The following CTNNA3 variants were observed in gnomAD, a reference collection of about 807,000 sequenced individuals.
CTNNA3 encodes catenin alpha-3.
In CTNNA3, 76 loss-of-function variants were observed where a neutral mutation model predicts 95.7. The ratio of observed to expected loss-of-function variants is 0.79; its 90% CI spans 0.66 to 0.96. CTNNA3 has a LOEUF of 0.96. Among genes scored for constraint, CTNNA3 ranks in the 40% least tolerant of loss-of-function variants. The pLI is 0.00. For synonymous variants in CTNNA3, 431 were observed against 374.4 expected (o/e 1.15, Z -1.74); for missense variants, 1,191 against 1,089.8 (o/e 1.09, Z -1.31).
intron 1 of CTNNA3, among the ~76,000 whole-genome samples, chr10:67,737,098 G>A (rs1841307098): frequency 6.6e-6 from 1 of 151,750 alleles, no homozygotes; most frequent in Non-Finnish European, 1.5e-5. Context: ...TGAGTAGCTG[G>A]GATTACAGGC....
intron 11 of CTNNA3, among the ~76,000 whole-genome samples, chr10:66,442,882 G>A (rs2093385825): frequency 6.6e-6 from 1 of 152,250 alleles, no homozygotes; most frequent in Non-Finnish European, 1.5e-5. Flanking sequence ...GGAAGCGCAA[G>A]GGGTCAGGGG....
intron 12 of CTNNA3, among the ~76,000 whole-genome samples, chr10:66,341,179 C>A (rs2092449747): frequency 6.6e-6 from 1 of 151,834 alleles, no homozygotes; most frequent in Admixed American, 6.6e-5. Context: ...ATGATAAAAC[C>A]AGTCTCTTTT....
intron 5 of CTNNA3, among the ~76,000 whole-genome samples, chr10:67,225,409 G>A (rs1053569272): frequency 2.6e-5 from 4 of 152,106 alleles, no homozygotes; most frequent in Non-Finnish European, 4.4e-5. Flanking sequence ...CTGGCAGGAG[G>A]CCAACCAGCA....
chr10:67,555,380 C>T (rs966406040), intron 3 of CTNNA3, among the ~76,000 whole-genome samples: 22 of 152,162 alleles, frequency 1.4e-4, no homozygotes, highest in Non-Finnish European at 5.9e-5. Context: ...TTCTTCCTAT[C>T]CATGAGCATG....
At chr10:66,311,700 A>T (rs1255051653) in intron 12 of CTNNA3, among the ~76,000 whole-genome samples, 1 of 152,216 alleles carries the variant, frequency 6.6e-6, no homozygotes, top group African/African-American at 2.4e-5. Context: ...TATTAGACTC[A>T]GAAAGATACC....
At chr10:66,774,242 G>A (rs183107820) in intron 8 of CTNNA3, among the ~76,000 whole-genome samples, 1 of 152,212 alleles carries the variant, frequency 6.6e-6, no homozygotes, top group African/African-American at 2.4e-5. Context: ...GAAGCAGATG[G>A]GGTAGAAATC....
rs77241074 is a variant in CTNNA3 at position 67,666,422 on chromosome 10, T to C, written c.-5-18904A>G. Among the ~76,000 whole-genome samples, 5,163 of 152,308 alleles carry C rather than the reference T, an allele frequency of 0.034. 614 individuals are homozygous for C. In the East Asian group the frequency reaches 0.43, roughly 13 times the overall value. Reference sequence around the variant, plus strand: ...CCAAAAGATTCAGAAATTCTACTTATAGATATTTCTACATTAATTTCACTT... The same window carrying C: ...CCAAAAGATTCAGAAATTCTACTTACAGATATTTCTACATTAATTTCACTT... On this transcript the variant is annotated intron_variant, in intron 1 of 17. Coordinates refer to ENST00000433211, the MANE Select transcript of CTNNA3 (RefSeq NM_013266.4).
intron 6 of CTNNA3, among the ~76,000 whole-genome samples, chr10:67,195,809 A>T (rs944529708): frequency 1.6e-4 from 24 of 152,196 alleles, no homozygotes; most frequent in African/African-American, 5.5e-4. Flanking sequence ...GGTTGGAAAA[A>T]GTTTTCTGTA....
At chr10:66,448,204 T>C (rs1479841806) in intron 11 of CTNNA3, among the ~76,000 whole-genome samples, 5 of 151,950 alleles carry the variant, frequency 3.3e-5, no homozygotes, top group South Asian at 4.2e-4. Context: ...TGTGGAGAAA[T>C]AGGAACACTT....
chr10:66,958,794 A>T lies in CTNNA3; in HGVS notation c.1048-183270T>A, dbSNP rs957265202. On this transcript the variant is annotated intron_variant, in intron 7 of 17. Coordinates refer to ENST00000433211, the MANE Select transcript of CTNNA3 (RefSeq NM_013266.4). The stretch of plus-strand genomic sequence containing the variant: ...ACACTCTTGCATTTTGAGATCCTCC[A>T]AATATGACTGCTCAAAGAAGAAGGA... Among the ~76,000 whole-genome samples the T allele has an allele frequency of 2.0e-5, 3 of 152,144 alleles. 1 individual carries two copies. The highest frequency in any genetic ancestry group is 7.2e-5 in the African/African-American group (3 of 41,444).
intron 5 of CTNNA3, among the ~76,000 whole-genome samples, chr10:67,393,228 C>A (rs1230371084): frequency 6.6e-6 from 1 of 151,990 alleles, no homozygotes; most frequent in Non-Finnish European, 1.5e-5. Context: ...TACAGAATAC[C>A]TTATTCAGGA....
intron 3 of CTNNA3, among the ~76,000 whole-genome samples, chr10:67,549,994 T>A (rs560195929): frequency 5.3e-5 from 8 of 152,294 alleles, no homozygotes; most frequent in Admixed American, 2.6e-4. Flanking sequence ...TCTGTTTTTT[T>A]AAAAAGCACT....
intron 13 of CTNNA3, among the ~76,000 whole-genome samples, chr10:66,119,154 A>G (rs566075073): frequency 1.3e-5 from 2 of 152,350 alleles, no homozygotes; most frequent in African/African-American, 4.8e-5. Flanking sequence ...TGGATTACCT[A>G]CTATGTATGA....
chr10:66,366,938 G>A (rs908615929), intron 12 of CTNNA3, among the ~76,000 whole-genome samples: 8 of 152,090 alleles, frequency 5.3e-5, no homozygotes, highest in South Asian at 4.2e-4. Flanking sequence ...AGTTACAGAC[G>A]GTGTTGGATA....
chr10:66,417,072 C>A (rs189099583), intron 11 of CTNNA3, among the ~76,000 whole-genome samples: 9 of 152,062 alleles, frequency 5.9e-5, no homozygotes, highest in Non-Finnish European at 1.2e-4. Flanking sequence ...GGATTAAATT[C>A]TTCACTTAAA....
chr10:66,737,041 G>A (rs1043888651), intron 9 of CTNNA3, among the ~76,000 whole-genome samples: 1 of 152,118 alleles, frequency 6.6e-6, no homozygotes, highest in Non-Finnish European at 1.5e-5. Context: ...ATTTTCTTCA[G>A]TGATACAAAA....
chr10:67,335,866 T>C (rs1841976586), intron 5 of CTNNA3, among the ~76,000 whole-genome samples: 1 of 152,114 alleles, frequency 6.6e-6, no homozygotes, highest in African/African-American at 2.4e-5. Flanking sequence ...TGCCTCACTT[T>C]ATGGCACCTC....
chr10:66,269,567 T>C (rs933080928), intron 13 of CTNNA3, among the ~76,000 whole-genome samples: 2 of 152,214 alleles, frequency 1.3e-5, no homozygotes, highest in Non-Finnish European at 2.9e-5. Flanking sequence ...TTTAATTAAA[T>C]TTCTGATTTC....
intron 7 of CTNNA3, among the ~76,000 whole-genome samples, chr10:67,019,644 C>G (rs1165965131): frequency 6.6e-6 from 1 of 152,164 alleles, no homozygotes; most frequent in African/African-American, 2.4e-5. Flanking sequence ...CAGTGTGAGT[C>G]ATTGATATAG....
Sources: allele counts gnomAD v4.1 joint callset (sites outside exome capture counted in the v4.1 genomes callset), GRCh38; gene constraint gnomAD v4.1.1; transcripts MANE v1.5; gene names NCBI Gene and HGNC (gene_info 2026-07-23, HGNC 2026-07-21).